The following CLASP1 variants were observed in gnomAD, a reference collection of about 807,000 sequenced individuals.
CLASP1 encodes CLIP-associating protein 1.
In CLASP1, 38 loss-of-function variants were observed where a neutral mutation model predicts 192.3. The observed-to-expected ratio is 0.20, with a 90% CI of 0.15 to 0.26. The LOEUF is 0.26. Among genes scored for constraint, CLASP1 ranks in the 10% least tolerant of loss-of-function variants. The pLI is 1.00. For missense variants in CLASP1, 1,433 were observed against 1,932.5 expected, an observed-to-expected ratio of 0.74 and a Z score of 4.85; for synonymous variants, 691 against 712.8, an observed-to-expected ratio of 0.97 and a Z score of 0.49.
chr2:121,609,074 C>T (rs1200811288), intron 1 of CLASP1, among the ~76,000 whole-genome samples: 1 of 152,040 alleles, frequency 6.6e-6, no homozygotes, highest in Non-Finnish European at 1.5e-5. Flanking sequence ...GTTTCCTTTC[C>T]CCACCTTGAA....
At chr2:121,564,015 C>G (rs1412097834) in intron 2 of CLASP1, among the ~76,000 whole-genome samples, 2 of 152,156 alleles carry the variant, frequency 1.3e-5, no homozygotes, top group Admixed American at 6.5e-5. Flanking sequence ...TTAAAACCAT[C>G]AGATCTTGTG....
At chr2:121,490,208 T>C (rs1322565512) in intron 8 of CLASP1, 1 of 411,020 alleles carries the variant, frequency 2.4e-6, no homozygotes, top group African/African-American at 2.1e-5. Context: ...ATAAAATATT[T>C]AAGCATTTCC....
At chr2:121,623,169 A>G (rs2067685204) in intron 1 of CLASP1, among the ~76,000 whole-genome samples, 1 of 152,244 alleles carries the variant, frequency 6.6e-6, no homozygotes, top group Non-Finnish European at 1.5e-5. Flanking sequence ...TATTAGCTGT[A>G]GGTTTTCAAA....
chr2:121,521,661 A>G (rs1183542749), intron 6 of CLASP1, among the ~76,000 whole-genome samples: 2 of 152,200 alleles, frequency 1.3e-5, no homozygotes, highest in Non-Finnish European at 2.9e-5. Context: ...GAGTCACTGC[A>G]TTCGGACCAC....
At chr2:121,340,060 T>G (rs1205054429) in exon 40 of CLASP1, 1 of 152,272 alleles carries the variant, frequency 6.6e-6, no homozygotes, top group Non-Finnish European at 1.5e-5. Context: ...CTTTATCTTC[T>G]GTGCTTCATG....
chr2:121,549,807 C>A (rs892293777), intron 2 of CLASP1, among the ~76,000 whole-genome samples: 1 of 151,196 alleles, frequency 6.6e-6, no homozygotes, highest in Non-Finnish European at 1.5e-5. Context: ...AGATCGAGAC[C>A]ATCCTGGCTA....
At position 121,530,923 on chromosome 2, in the gene CLASP1, T is replaced by C. The variant is rs377422272; in HGVS notation, c.196-598A>G. Reference sequence around the variant, plus strand: ...GTTGCGCTACTGTCCAATGAGCGCATAGTGAGGGCAGTACTGCTAACGCCT... The same window carrying C: ...GTTGCGCTACTGTCCAATGAGCGCACAGTGAGGGCAGTACTGCTAACGCCT... On this transcript the variant is annotated intron_variant, in intron 2 of 39. Coordinates refer to ENST00000263710, the Ensembl canonical transcript of CLASP1. 4.6e-5 allele frequency: 32 copies of C among 699,774 alleles called. No homozygotes were observed. Among genetic ancestry groups the C allele is most frequent in the Non-Finnish European group, 6.5e-5 (25 of 384,398 alleles). The allele number at this position is 699,774 out of a possible 1,614,324, so 43.3% of individuals were successfully genotyped here. A position where few individuals can be genotyped will look rare whatever the true frequency, so the allele number is the denominator to read the frequency against.
chr2:121,487,966 T>C (rs1292723044), intron 8 of CLASP1, among the ~76,000 whole-genome samples: 1 of 152,260 alleles, frequency 6.6e-6, no homozygotes, highest in African/African-American at 2.4e-5. Flanking sequence ...GCACTTTCAG[T>C]TGACTCCTGT....
At chr2:121,605,728 G>C in exon 2 of CLASP1, 1 of 1,613,908 alleles carries the variant, frequency 6.2e-7, no homozygotes, top group African/African-American at 1.3e-5. Context: ...TCACCCAAGA[G>C]GTAGCAAGTC....
exon 2 of CLASP1, chr2:121,605,779 G>T: frequency 6.2e-7 from 1 of 1,613,962 alleles, no homozygotes; most frequent in Non-Finnish European, 8.5e-7. Flanking sequence ...CATGCTCAAG[G>T]TCAGCAGACT....
intron 30 of CLASP1, among the ~76,000 whole-genome samples, chr2:121,389,376 C>A (rs1184208969): frequency 6.6e-6 from 1 of 151,502 alleles, no homozygotes; most frequent in Non-Finnish European, 1.5e-5. Context: ...TCTATTTCAC[C>A]AATTTAATGT....
chr2:121,397,033 GAT>G, intron 30 of CLASP1, 105 bp downstream of exon 31: 1 of 1,033,206 alleles, frequency 9.7e-7, no homozygotes, highest in Non-Finnish European at 1.5e-6. Flanking sequence ...GAGCCTTAGT[GAT>G]ATAGGTTTGT....
At chr2:121,474,991 C>G (rs1392287548) in intron 8 of CLASP1, among the ~76,000 whole-genome samples, 1 of 152,130 alleles carries the variant, frequency 6.6e-6, no homozygotes, top group African/African-American at 2.4e-5. Flanking sequence ...GAAAAGCAAA[C>G]ACATGCACAT....
At chr2:121,592,646 G>GT (rs1553646369) in intron 2 of CLASP1, among the ~76,000 whole-genome samples, 99 of 150,996 alleles carry the variant, frequency 6.6e-4, no homozygotes, top group African/African-American at 1.5e-3. Flanking sequence ...ATTAATAACT[G>GT]TTTTTTTTTG....
chr2:121,395,861 C>T (rs2075199479), intron 30 of CLASP1, among the ~76,000 whole-genome samples: 2 of 152,170 alleles, frequency 1.3e-5, no homozygotes, highest in South Asian at 4.2e-4. Context: ...GAGGCCAAGC[C>T]TAGTCCTGAA....
At position 121,380,535 on chromosome 2, in the gene CLASP1, A is replaced by G. The variant is rs191312453; in HGVS notation, c.3491+1673T>C. The stretch of plus-strand genomic sequence containing the variant: ...GAAAGCAGCCCTGGGCTTGCCCGCT[A>G]AAGGATCCATGTCGTGGGGAGGGAG... On this transcript the variant is annotated intron_variant, in intron 33 of 39. Transcript: ENST00000263710. Among the ~76,000 whole-genome samples the G allele has an allele frequency of 4.9e-4, 75 of 152,260 alleles. No homozygotes were observed. In the East Asian group the frequency reaches 9.1e-3, roughly 18 times the overall value.
intron 2 of CLASP1, among the ~76,000 whole-genome samples, chr2:121,555,953 A>G (rs1306775761): frequency 1.4e-5 from 2 of 142,914 alleles, no homozygotes; most frequent in East Asian, 4.2e-4. Flanking sequence ...CTGAAATTAC[A>G]GGTGTGAGCC....
chr2:121,600,189 C>A (rs1013016972), intron 2 of CLASP1, among the ~76,000 whole-genome samples: 1 of 152,120 alleles, frequency 6.6e-6, no homozygotes, highest in Non-Finnish European at 1.5e-5. Flanking sequence ...CTCATGGAAC[C>A]AGTATTTGTT....
intron 37 of CLASP1, among the ~76,000 whole-genome samples, chr2:121,355,142 TG>T (rs2065160237): frequency 6.6e-6 from 1 of 152,032 alleles, no homozygotes; most frequent in South Asian, 2.1e-4. Context: ...TTTGGTGAAA[TG>T]TATCTATTAT....
Sources: gnomAD v4.1 joint callset for allele counts (sites outside exome capture counted in the v4.1 genomes callset) on GRCh38, gnomAD v4.1.1 for gene constraint, MANE v1.5 for transcripts, NCBI Gene and HGNC (gene_info 2026-07-23, HGNC 2026-07-21) for gene names.